FBLN5: variants seen among roughly 807,000 people sequenced by gnomAD.
FBLN5 encodes the protein fibulin 5, also known as fibulin-5.
A neutral mutation model predicts 61.6 loss-of-function variants in FBLN5; 24 were observed. The observed-to-expected ratio is 0.39, with a 90% CI of 0.28 to 0.55. The LOEUF is 0.55. Ranked by LOEUF, FBLN5 falls within the 20% of genes least tolerant of loss-of-function variation. FBLN5 has a pLI of 0.65. For synonymous variants in FBLN5, 213 were observed against 219.8 expected (o/e 0.97, Z 0.27); for missense variants, 470 against 594.1 (o/e 0.79, Z 2.17).
rs1029395673 is a variant in FBLN5 at position 91,869,613 on chromosome 14, A to C, written c.*611T>G. The C allele has an allele frequency of 1.3e-5, 2 of 154,642 alleles. No homozygotes were observed. Among genetic ancestry groups the C allele is most frequent in the Non-Finnish European group, 2.9e-5 (2 of 69,576 alleles). 9.6% of individuals were successfully genotyped at this position (154,642 alleles called of 1,614,324 possible). ...ACGACATATTTTTTAAAAATACTCAAAATGAACAAGACAGAATTAAACCGT... is the reference window on the plus strand; with the variant it reads ...ACGACATATTTTTTAAAAATACTCACAATGAACAAGACAGAATTAAACCGT... On this transcript the variant is annotated 3_prime_UTR_variant, in exon 11 of 11. Coordinates refer to ENST00000342058, the MANE Select transcript of FBLN5 (RefSeq NM_006329.4).
At position 91,943,771 on chromosome 14, in the gene FBLN5, C is replaced by T. The variant is rs2056143103; in HGVS notation, c.18-810G>A. On this transcript the variant is annotated intron_variant, in intron 1 of 10. Transcript: ENST00000342058. This position sits in a 1 kb window ranked among gnomAD's most constrained non-coding sequence, Gnocchi z 4.0. ...GTCCACATGTGTGAAAATCCCCCAT[C>T]AGTGGATGGGTTGGGGTGGCCCTGT... 6.6e-6 allele frequency among the ~76,000 whole-genome samples: 1 copy of T among 152,176 alleles called. No individual in the cohort carries two copies. Among genetic ancestry groups the T allele is most frequent in the Non-Finnish European group, 1.5e-5 (1 of 68,034 alleles).
chr14:91,879,361 G>A (rs1049934528), intron 9 of FBLN5, among the ~76,000 whole-genome samples: 2 of 152,204 alleles, frequency 1.3e-5, no homozygotes, highest in African/African-American at 4.8e-5. Context: ...TCCTGGGCAC[G>A]GGTAAAGGCA....
intron 7 of FBLN5, among the ~76,000 whole-genome samples, chr14:91,886,608 G>A (rs765394424): frequency 6.6e-6 from 1 of 152,094 alleles, no homozygotes; most frequent in Non-Finnish European, 1.5e-5. Flanking sequence ...AAATTATTAC[G>A]ATTTCATTCA....
At chr14:91,880,706 C>T (rs1297611400) in intron 9 of FBLN5, among the ~76,000 whole-genome samples, 1 of 152,054 alleles carries the variant, frequency 6.6e-6, no homozygotes, top group Non-Finnish European at 1.5e-5. Context: ...TGCCACCAGG[C>T]CCAGCTAATT....
intron 4 of FBLN5, among the ~76,000 whole-genome samples, chr14:91,902,604 G>A (rs917802358): frequency 3.3e-5 from 5 of 152,232 alleles, no homozygotes; most frequent in African/African-American, 7.2e-5. Flanking sequence ...TTTAATATGC[G>A]TATGACTCAG....
intron 4 of FBLN5, among the ~76,000 whole-genome samples, chr14:91,919,390 A>AAAGGAAGGAAGGAAGGAAGG (rs3031540): frequency 1.2e-4 from 12 of 99,582 alleles, no homozygotes; most frequent in African/African-American, 4.3e-4. Flanking sequence ...AGAAAGAAAG[A>AAAGGAAGGAAGGAAGGAAGG]AAGGAAGGAA....
intron 5 of FBLN5, among the ~76,000 whole-genome samples, chr14:91,891,878 T>G (rs1201150147): frequency 6.6e-6 from 1 of 152,210 alleles, no homozygotes; most frequent in Non-Finnish European, 1.5e-5. Flanking sequence ...TATGTCCAGC[T>G]GTCAGGAACA....
intron 9 of FBLN5, 85 bp from the exon 10 acceptor site, chr14:91,877,767 A>AT: frequency 1.9e-6 from 2 of 1,058,246 alleles, no homozygotes; most frequent in Non-Finnish European, 2.9e-6. Flanking sequence ...AACACTGAAA[A>AT]TGAGGCCACC....
At chr14:91,875,843 T>C (rs946514509) in intron 10 of FBLN5, among the ~76,000 whole-genome samples, 1 of 152,176 alleles carries the variant, frequency 6.6e-6, no homozygotes, top group African/African-American at 2.4e-5. Context: ...TTTAAACTAG[T>C]ACAGACTTTT....
intron 1 of FBLN5, among the ~76,000 whole-genome samples, chr14:91,944,179 A>G (rs1354325051): frequency 6.6e-6 from 1 of 152,200 alleles, no homozygotes; most frequent in African/African-American, 2.4e-5. Flanking sequence ...TAAAAATACA[A>G]AAATTTGCCA....
chr14:91,877,560 G>A lies in FBLN5; in HGVS notation c.1112C>T (p.Thr371Met), dbSNP rs762522472. 8.1e-6 allele frequency: 13 copies of A among 1,614,004 alleles called. No individual in the cohort carries two copies. Among genetic ancestry groups the A allele is most frequent in the East Asian group, 2.2e-5 (1 of 44,890 alleles). The change falls in exon 10 of 11, where the codon ACG (threonine) becomes ATG (methionine). Residue 371 changes from threonine (T) to methionine (M), a missense_variant. Physicochemically the swap from Thr to Met is moderately conservative, Grantham distance 81. Coordinates refer to ENST00000342058, the MANE Select transcript of FBLN5 (RefSeq NM_006329.4). The part of the protein sequence containing the change: ...VPADIFQMQA[T>M]TRYPGAYYIF... ...GTAATAGGCCCCAGGGTAGCGGGTC[G>A]TGGCTTGCATTTGGAAGATGTCAGC...
intron 10 of FBLN5, among the ~76,000 whole-genome samples, chr14:91,871,308 T>C (rs1888916713): frequency 6.6e-6 from 1 of 151,882 alleles, no homozygotes; most frequent in African/African-American, 2.4e-5. Flanking sequence ...AGATTTTCTA[T>C]GTCAGTATAT....
At chr14:91,906,869 C>T (rs1240528428) in intron 4 of FBLN5, among the ~76,000 whole-genome samples, 3 of 152,166 alleles carry the variant, frequency 2.0e-5, no homozygotes, top group African/African-American at 4.8e-5. Context: ...ACACTGGTAT[C>T]GGTACTAGGG....
At chr14:91,927,446 C>T (rs2055848457) in intron 4 of FBLN5, among the ~76,000 whole-genome samples, 1 of 152,236 alleles carries the variant, frequency 6.6e-6, no homozygotes, top group South Asian at 2.1e-4. Context: ...CTATGTGAGT[C>T]ATTCTGTTCT....
chr14:91,879,601 A>C (rs1346397795), intron 9 of FBLN5, among the ~76,000 whole-genome samples: 8 of 152,236 alleles, frequency 5.3e-5, no homozygotes, highest in African/African-American at 1.9e-4. Context: ...AGAGAGAACC[A>C]GGAATAGAAG....
At chr14:91,905,812 T>A (rs778821657) in intron 4 of FBLN5, among the ~76,000 whole-genome samples, 3 of 152,086 alleles carry the variant, frequency 2.0e-5, no homozygotes, top group Non-Finnish European at 4.4e-5. Flanking sequence ...TCTTCTGATC[T>A]TGTGATCTGC....
chr14:91,883,522 G>T (rs377455845), intron 7 of FBLN5, among the ~76,000 whole-genome samples: 1 of 151,664 alleles, frequency 6.6e-6, no homozygotes, highest in African/African-American at 2.4e-5. Flanking sequence ...GGCAACTTTC[G>T]CAATGCCAAC....
chr14:91,887,233 G>A lies in FBLN5; in HGVS notation c.699C>T (p.Asp233=). 6.2e-7 allele frequency: 1 copy of A among 1,613,576 alleles called. No homozygotes were observed. Among genetic ancestry groups the A allele is most frequent in the South Asian group, 1.1e-5 (1 of 91,064 alleles). The change falls in exon 7 of 11, where the codon GAC becomes GAT. Residue 233 remains aspartate (D), a synonymous_variant. Coordinates refer to ENST00000342058, the MANE Select transcript of FBLN5 (RefSeq NM_006329.4). ...NTYGSFICRC[D]PGYELEEDGV... is the part of the protein sequence containing the mutation. The stretch of plus-strand genomic sequence containing the variant: ...CATCTTCCTCAAGTTCATATCCTGG[G>A]TCACAGCGGCAGATGAAAGAGCCGT...
At position 91,882,241 on chromosome 14, in the gene FBLN5, T is replaced by C. The variant is rs1889512482; in HGVS notation, c.862+713A>G. ...TTTTTTCCTCTTTTAATGTGGCTAA[T>C]AGAAAATGTAAAATTACATAGATGG... On this transcript the variant is annotated intron_variant, in intron 8 of 10. Coordinates refer to ENST00000342058, the MANE Select transcript of FBLN5 (RefSeq NM_006329.4). The surrounding 1 kb of genome is among the most constrained non-coding windows in gnomAD (Gnocchi z 4.9). Among the ~76,000 whole-genome samples, 3 of 152,224 alleles carry C rather than the reference T, an allele frequency of 2.0e-5. No individual in the cohort carries two copies. Among genetic ancestry groups the C allele is most frequent in the Admixed American group, 6.5e-5 (1 of 15,286 alleles).
Sources: gnomAD v4.1 joint callset for allele counts (sites outside exome capture counted in the v4.1 genomes callset) on GRCh38, gnomAD v4.1.1 for gene constraint, Gnocchi (gnomAD v3.1) non-coding constraint, MANE v1.5 for transcripts, NCBI Gene and HGNC (gene_info 2026-07-23, HGNC 2026-07-21) for gene names.